Variants in HIPK2 observed in about 807,000 individuals in gnomAD.
HIPK2 encodes homeodomain-interacting protein kinase 2.
In HIPK2, 27 loss-of-function variants were observed where a neutral mutation model predicts 113.7. The ratio of observed to expected loss-of-function variants is 0.24; its 90% confidence interval spans 0.17 to 0.33. The LOEUF is 0.33. Among genes scored for constraint, HIPK2 ranks in the 10% least tolerant of loss-of-function variants. The pLI, the probability that HIPK2 is intolerant of heterozygous loss-of-function variation, is 1.00. For synonymous variants in HIPK2, 631 were observed against 642.2 expected (o/e 0.98, Z 0.26); for missense variants, 1,257 against 1,588.0 (o/e 0.79, Z 3.54).
chr7:139,760,340 G>A (rs1796443924), intron 1 of HIPK2, among the ~76,000 whole-genome samples: 1 of 152,102 alleles, frequency 6.6e-6, no homozygotes, highest in South Asian at 2.1e-4. Context: ...GCCACGTAAT[G>A]CATTACCCAT....
chr7:139,746,231 C>T (rs1317793605), intron 1 of HIPK2, among the ~76,000 whole-genome samples: 3 of 152,260 alleles, frequency 2.0e-5, no homozygotes, highest in African/African-American at 4.8e-5. Context: ...GAGACACCCA[C>T]TGTCCCCCAG....
At chr7:139,743,188 A>G (rs765182486) in intron 1 of HIPK2, among the ~76,000 whole-genome samples, 1 of 152,164 alleles carries the variant, frequency 6.6e-6, no homozygotes. Flanking sequence ...CCCTTTCCCT[A>G]CTGGCTGAAA....
chr7:139,594,904 C>G (rs2116637545), intron 12 of HIPK2, among the ~76,000 whole-genome samples: 1 of 152,272 alleles, frequency 6.6e-6, no homozygotes, highest in African/African-American at 2.4e-5. Flanking sequence ...TGAAGGTCCT[C>G]ATCTGCTGCC....
chr7:139,729,704 T>C (rs1411240043), intron 1 of HIPK2, among the ~76,000 whole-genome samples: 1 of 152,184 alleles, frequency 6.6e-6, no homozygotes, highest in African/African-American at 2.4e-5. Context: ...CCACAAACTA[T>C]GAAAACAAAA....
Position 139,570,884 on chromosome 7 carries a change from A to ATGTG in HIPK2, c.*2042_*2043insCACA, listed in dbSNP as rs1385236539. The ATGTG allele has an allele frequency of 1.3e-5, 2 of 152,332 alleles. No individual in the cohort carries two copies. The highest frequency in any genetic ancestry group is 2.9e-5 in the Non-Finnish European group (2 of 68,050). The allele number at this position is 152,332 out of a possible 1,614,324, so 9.4% of individuals were successfully genotyped here. A position where few individuals can be genotyped will look rare whatever the true frequency, so the allele number is the denominator to read the frequency against. On this transcript the variant is annotated 3_prime_UTR_variant, in exon 15 of 15. Coordinates refer to ENST00000406875, the MANE Select transcript of HIPK2 (RefSeq NM_022740.5). ...CCATCCTTGGCCAGATTCTCCTGCC[A>ATGTG]TTCACATTCACATATTTCAGAGTTA... is the stretch of plus-strand genomic sequence containing the variant.
At position 139,711,427 on chromosome 7, in the gene HIPK2, C is replaced by CA. The variant is rs552942209; in HGVS notation, c.1103+4504dup. ...TGGGAGACAGAGCAAGACTCCGTCT[C>CA]AAAAAAAAAAGGTTAGATTATTCTG... is the stretch of plus-strand genomic sequence containing the variant. On this transcript the variant is annotated intron_variant, in intron 2 of 14. Transcript: ENST00000406875. 3.5e-3 allele frequency among the ~76,000 whole-genome samples: 507 copies of CA among 143,882 alleles called. 3 individuals are homozygous for CA. The highest frequency in any genetic ancestry group is 0.012 in the African/African-American group (457 of 39,160). 94.4% of individuals were successfully genotyped at this position (143,882 alleles called of 152,430 possible).
chr7:139,606,611 G>T (rs984735884), intron 9 of HIPK2, among the ~76,000 whole-genome samples: 1 of 152,134 alleles, frequency 6.6e-6, no homozygotes, highest in Non-Finnish European at 1.5e-5. Flanking sequence ...CAGATCCTTG[G>T]TGTACATGCT....
intron 2 of HIPK2, among the ~76,000 whole-genome samples, chr7:139,691,246 T>C (rs1794396160): frequency 6.6e-6 from 1 of 152,216 alleles, no homozygotes; most frequent in African/African-American, 2.4e-5. Context: ...TTCCATAGTT[T>C]CGATTGTGCA....
intron 11 of HIPK2, 46 bp downstream of exon 11, chr7:139,600,369 TCA>T (rs1421240291): frequency 6.3e-7 from 1 of 1,586,176 alleles, no homozygotes; most frequent in South Asian, 1.1e-5. Flanking sequence ...TCTTTAGCAC[TCA>T]CATCCCCTGG....
At position 139,686,333 on chromosome 7, in the gene HIPK2, G is replaced by A. The variant is rs534322025; in HGVS notation, c.1103+29599C>T. 9.2e-5 allele frequency among the ~76,000 whole-genome samples: 14 copies of A among 152,336 alleles called. No homozygotes were observed. In the East Asian group the frequency reaches 2.5e-3, roughly 27 times the overall value. On this transcript the variant is annotated intron_variant, in intron 2 of 14. Coordinates refer to ENST00000406875, the MANE Select transcript of HIPK2 (RefSeq NM_022740.5). ...ACGAGCAAAAAAAGTAGTTTCTTGA[G>A]ATGGAATCTATTTCTGGTGAAGATG...
intron 2 of HIPK2, among the ~76,000 whole-genome samples, chr7:139,633,971 A>G (rs1800714200): frequency 6.7e-6 from 1 of 149,160 alleles, no homozygotes; most frequent in African/African-American, 2.5e-5. Context: ...AAAGCCAGGC[A>G]TGGAGGTGCG....
At chr7:139,590,776 G>A (rs1798990414) in intron 12 of HIPK2, among the ~76,000 whole-genome samples, 1 of 151,976 alleles carries the variant, frequency 6.6e-6, no homozygotes, top group African/African-American at 2.4e-5. Context: ...CCTGATAGCT[G>A]CTGACTTAGA....
At chr7:139,651,446 C>G (rs1050946867) in intron 2 of HIPK2, among the ~76,000 whole-genome samples, 13 of 152,230 alleles carry the variant, frequency 8.5e-5, no homozygotes, top group African/African-American at 3.1e-4. Flanking sequence ...ATCAAAAGCT[C>G]TGGCAACTCT....
intron 2 of HIPK2, among the ~76,000 whole-genome samples, chr7:139,635,662 A>T (rs1323506674): frequency 6.6e-6 from 1 of 152,124 alleles, no homozygotes; most frequent in African/African-American, 2.4e-5. Flanking sequence ...ATGCCCAGGC[A>T]TCTGGCTAGG....
Position 139,596,699 on chromosome 7 carries a change from A to T in HIPK2, c.2717+18T>A, listed in dbSNP as rs748304530. The stretch of plus-strand genomic sequence containing the variant: ...CCTCCCGGCTCCTTCCTGGAAGGCT[A>T]AGGTGGCACTGCCTCACCTGGTGGG... On this transcript the variant is annotated intron_variant, in intron 12 of 14. Transcript: ENST00000406875. 5 of 1,605,638 alleles carry T rather than the reference A, an allele frequency of 3.1e-6. No homozygotes were observed. The highest frequency in any genetic ancestry group is 1.3e-5 in the African/African-American group (1 of 74,784).
Position 139,583,822 on chromosome 7 carries a change from A to T in HIPK2, c.2960T>A (p.Val987Glu). 6.2e-7 allele frequency: 1 copy of T among 1,610,612 alleles called. No individual in the cohort carries two copies. The highest frequency in any genetic ancestry group is 1.1e-5 in the South Asian group (1 of 90,298). ...SEVLVECDSL[V>E]PVNTSHHSSS... The stretch of plus-strand genomic sequence containing the variant: ...CTGTCCTGGCCCCAAATTACCTGGC[A>T]CCAGGCTATCACACTCCACCAATAC... The change falls in exon 13 of 15, where the codon GTG (valine) becomes GAG (glutamate). Residue 987 changes from valine (V) to glutamate (E), a missense_variant. Val to Glu is a moderately radical substitution (Grantham distance 121). Around this residue, in one of 5 missense-constraint regions of HIPK2, gnomAD observed 862 missense variants for 1,004.3 expected, o/e 0.86. Coordinates refer to ENST00000406875, the MANE Select transcript of HIPK2 (RefSeq NM_022740.5).
In HIPK2 at chr7:139,572,898, T is replaced by TCCCCCCCCCCCC; in HGVS notation, c.*28_*29insGGGGGGGGGGGG. The TCCCCCCCCCCCC allele has an allele frequency of 2.5e-6, 1 of 407,280 alleles. No individual in the cohort carries two copies. The highest frequency in any genetic ancestry group is 4.8e-6 in the Non-Finnish European group (1 of 206,378). 25.2% of individuals were successfully genotyped at this position (407,280 alleles called of 1,614,324 possible). ...CTCCTCCCTCGGGCCATTCTCTCCC[T>TCCCCCCCCCCCC]CCCTCCCTCCCTCCCTCCCCTCCAG... On this transcript the variant is annotated 3_prime_UTR_variant, in exon 15 of 15. Coordinates refer to ENST00000406875, the MANE Select transcript of HIPK2 (RefSeq NM_022740.5).
At chr7:139,679,437 G>A (rs1319576559) in intron 2 of HIPK2, among the ~76,000 whole-genome samples, 1 of 151,962 alleles carries the variant, frequency 6.6e-6, no homozygotes, top group African/African-American at 2.4e-5. Context: ...GAAGATGTGG[G>A]TACTTCGGGT....
chr7:139,719,915 C>T (rs1474967356), intron 1 of HIPK2, among the ~76,000 whole-genome samples: 1 of 152,184 alleles, frequency 6.6e-6, no homozygotes, highest in African/African-American at 2.4e-5. Flanking sequence ...TATTTGGCTA[C>T]CAGATTAATC....
Sources: allele counts gnomAD v4.1 joint callset (sites outside exome capture counted in the v4.1 genomes callset), GRCh38; gene constraint gnomAD v4.1.1; regional missense constraint gnomAD v4.1.1; transcripts MANE v1.5; gene names NCBI Gene and HGNC (gene_info 2026-07-23, HGNC 2026-07-21).